Variants in RS1 observed in about 807,000 individuals in gnomAD.
RS1 encodes the protein retinoschisin.
In RS1, 2 loss-of-function variants were observed where a neutral mutation model predicts 20.8. The observed-to-expected ratio is 0.10, with a 90% CI of 0.04 to 0.30. The LOEUF is 0.30. RS1 is among the 10% of genes least tolerant of loss of function. The pLI is 1.00. For synonymous variants in RS1, 70 were observed against 75.8 expected, an observed-to-expected ratio of 0.92 and a Z score of 0.40; for missense variants, 151 against 189.8, an observed-to-expected ratio of 0.80 and a Z score of 1.20.
At chrX:18,646,424 G>C (rs1354752375) in intron 4 of RS1, among the ~76,000 whole-genome samples, 1 of 112,749 alleles carries the variant, frequency 8.9e-6, no homozygotes, top group East Asian at 2.8e-4. Flanking sequence ...CAAAGTGCTA[G>C]GATTACAGGC....
chrX:18,656,854 C>T, intron 2 of RS1, 96 bp from the exon 3 acceptor site: 2 of 674,879 alleles, frequency 3.0e-6, no homozygotes, highest in Non-Finnish European at 4.9e-6. Flanking sequence ...TATGCATCGT[C>T]TATAGCAGCT....
At chrX:18,650,964 C>T (rs973693444) in intron 3 of RS1, among the ~76,000 whole-genome samples, 10 of 111,834 alleles carry the variant, frequency 8.9e-5, no homozygotes, top group Admixed American at 3.8e-4. Context: ...AGCGTCTTGC[C>T]AAAAAGCAGC....
chrX:18,642,915 G>A (rs1315944983), intron 5 of RS1, among the ~76,000 whole-genome samples: 1 of 110,352 alleles, frequency 9.1e-6, no homozygotes, highest in African/African-American at 3.3e-5. Context: ...GCAGTGGCAG[G>A]TGCCTGTAAA....
intron 1 of RS1, among the ~76,000 whole-genome samples, chrX:18,663,838 A>G (rs953885428): frequency 8.1e-5 from 9 of 111,761 alleles, no homozygotes; most frequent in Non-Finnish European, 1.3e-4. Context: ...TCAGATATCC[A>G]GTAAGCACTG....
At chrX:18,645,013 G>A (rs183715973) in intron 4 of RS1, among the ~76,000 whole-genome samples, 2 of 111,870 alleles carry the variant, frequency 1.8e-5, no homozygotes, top group Admixed American at 1.9e-4. Context: ...ACCTTTCTGC[G>A]CATTTCACTC....
At chrX:18,662,460 C>T (rs987093198) in intron 1 of RS1, among the ~76,000 whole-genome samples, 4 of 110,640 alleles carry the variant, frequency 3.6e-5, no homozygotes, top group Admixed American at 1.9e-4. Flanking sequence ...CGCTCCCCCA[C>T]CCCACGACAG....
chrX:18,662,003 G>C (rs1479820110), intron 1 of RS1, among the ~76,000 whole-genome samples: 1 of 111,829 alleles, frequency 8.9e-6, no homozygotes, highest in Non-Finnish European at 1.9e-5. Flanking sequence ...CAGGCCTGGG[G>C]GTGGAGCCCG....
At chrX:18,646,752 A>G (rs2071828) in intron 4 of RS1, among the ~76,000 whole-genome samples, 35,451 of 109,819 alleles carry the variant, frequency 0.32, 5,028 homozygotes, top group Admixed American at 0.6. Context: ...CACCTGCTGT[A>G]CCCCACGCCT....
chrX:18,651,254 TGTGTGTGTGTGAGAGAGAGA>T (rs1928024633), intron 3 of RS1, among the ~76,000 whole-genome samples: 1 of 99,071 alleles, frequency 1.0e-5, no homozygotes, highest in Admixed American at 1.1e-4. Context: ...TGTGTGTGTG[TGTGTGTGTGTGAGAGAGAGA>T]GAGAGAGAGA....
chrX:18,653,502 G>A lies in RS1; in HGVS notation c.184+3151C>T, dbSNP rs910286513. 10 of 1,210,088 alleles carry A rather than the reference G, an allele frequency of 8.3e-6. No individual in the cohort carries two copies. Among genetic ancestry groups the A allele is most frequent in the South Asian group, 3.5e-5 (2 of 56,845 alleles). On this transcript the variant is annotated intron_variant, in intron 3 of 5. Transcript: ENST00000379984. ...ACAGGGCCCAGGTAAACCAAGCTGC[G>A]CTCCTGACATACCATGAGAATGCGG...
intron 3 of RS1, among the ~76,000 whole-genome samples, chrX:18,652,615 G>A (rs1453884588): frequency 9.0e-6 from 1 of 111,208 alleles, no homozygotes; most frequent in Non-Finnish European, 1.9e-5. Flanking sequence ...CTTGCAGTGA[G>A]CCAAGATCGT....
chrX:18,646,397 GC>G (rs749576493), intron 4 of RS1, among the ~76,000 whole-genome samples: 9 of 111,901 alleles, frequency 8.0e-5, no homozygotes, highest in African/African-American at 2.6e-4. Context: ...CAGGTAATCT[GC>G]CCCCCCTCGG....
At chrX:18,649,971 C>T (rs1569231209) in intron 3 of RS1, 2 of 189,319 alleles carry the variant, frequency 1.1e-5, no homozygotes, top group East Asian at 1.3e-4. Flanking sequence ...TTGTTTTCCA[C>T]CCCCACCCGC....
chrX:18,657,777 AC>A, intron 1 of RS1, 112 bp from the exon 2 acceptor site: 3 of 618,654 alleles, frequency 4.8e-6, no homozygotes, highest in Middle Eastern at 7.3e-4. Flanking sequence ...AGCTACCAAC[AC>A]CCCTTCTGGA....
chrX:18,644,350 G>T, intron 5 of RS1, 80 bp downstream of exon 5: 1 of 877,282 alleles, frequency 1.1e-6, no homozygotes, highest in Non-Finnish European at 1.7e-6. Context: ...CTGACAGAGG[G>T]CAGTGACAGG....
At chrX:18,659,977 C>A (rs1928283150) in intron 1 of RS1, among the ~76,000 whole-genome samples, 1 of 111,636 alleles carries the variant, frequency 9.0e-6, no homozygotes, top group African/African-American at 3.3e-5. Flanking sequence ...AACAAACAGG[C>A]CTTGTTATGC....
Position 18,657,634 on chromosome X carries a change from A to T in RS1, c.78+6T>A, listed in dbSNP as rs201874254. ...TGTACATTACAGCCTTCTTACTGTT[A>T]CATACCTCGGTAGACGATAATCCCA... On this transcript the variant is annotated splice_donor_region_variant and intron_variant, in intron 2 of 5. Coordinates refer to ENST00000379984, the MANE Select transcript of RS1 (RefSeq NM_000330.4). 287 of 1,196,146 alleles carry T rather than the reference A, an allele frequency of 2.4e-4. 1 individual carries two copies. Among genetic ancestry groups the T allele is most frequent in the Non-Finnish European group, 2.5e-5 (22 of 882,380 alleles).
At chrX:18,656,856 A>G (rs1928225327) in intron 2 of RS1, 98 bp from the exon 3 acceptor site, 3 of 670,937 alleles carry the variant, frequency 4.5e-6, no homozygotes, top group Admixed American at 4.6e-5. Context: ...TGCATCGTCT[A>G]TAGCAGCTTT....
chrX:18,651,995 G>A (rs1304416290), intron 3 of RS1, among the ~76,000 whole-genome samples: 2 of 109,608 alleles, frequency 1.8e-5, no homozygotes, highest in Non-Finnish European at 3.8e-5. Context: ...TGCCCGCCCT[G>A]AGCTGGCTGA....
Sources: gnomAD v4.1 joint callset for allele counts (sites outside exome capture counted in the v4.1 genomes callset) on GRCh38, gnomAD v4.1.1 for gene constraint, MANE v1.5 for transcripts, NCBI Gene and HGNC (gene_info 2026-07-23, HGNC 2026-07-21) for gene names.